The following CASD1 variants were observed in gnomAD, a reference collection of about 807,000 sequenced individuals.
CASD1 encodes the protein N-acetylneuraminate (7)9-O-acetyltransferase.
Under a neutral mutation model 100.0 loss-of-function variants are expected in CASD1, and 41 were observed. The ratio of observed to expected loss-of-function variants is 0.41; its 90% confidence interval spans 0.32 to 0.53. CASD1 has a LOEUF of 0.53. Ranked by LOEUF, CASD1 falls within the 20% of genes least tolerant of loss-of-function variation. The pLI is 0.25. For synonymous variants in CASD1, 321 were observed against 315.6 expected, an observed-to-expected ratio of 1.02 and a Z score of -0.18; for missense variants, 774 against 948.7, an observed-to-expected ratio of 0.82 and a Z score of 2.42.
chr7:94,622,252 G>T, the CASD1 span: 1 of 151,978 alleles, frequency 6.6e-6, no homozygotes, highest in Non-Finnish European at 1.5e-5. Flanking sequence ...GTTTTTAGAG[G>T]GAAAAAATTC....
chr7:94,552,475 A>G, intron 16 of CASD1, 48 bp downstream of exon 16: 1 of 1,459,618 alleles, frequency 6.9e-7, no homozygotes, highest in Non-Finnish European at 9.4e-7. Flanking sequence ...TCTTGATAAG[A>G]AAATGGTTTT....
the CASD1 span, chr7:94,624,162 C>CAAAAAAAA: frequency 6.0e-6 from 2 of 334,668 alleles, no homozygotes; most frequent in African/African-American, 2.6e-5. Context: ...TGCAGTACCT[C>CAAAAAAAA]AAAAAAAAAA....
chr7:94,552,914 G>T (rs1796017736), intron 16 of CASD1, among the ~76,000 whole-genome samples: 1 of 152,114 alleles, frequency 6.6e-6, no homozygotes, highest in South Asian at 2.1e-4. Flanking sequence ...TCCAGCCTGG[G>T]CAATGAGCAA....
At chr7:94,613,528 T>C in the CASD1 span, among the ~76,000 whole-genome samples, 1,370 of 152,176 alleles carry the variant, frequency 9.0e-3, 19 homozygotes, top group African/African-American at 0.031. Context: ...GAGACTGGAG[T>C]GCACTAGATA....
the CASD1 span, among the ~76,000 whole-genome samples, chr7:94,569,108 A>G: frequency 2.0e-5 from 3 of 152,194 alleles, no homozygotes; most frequent in East Asian, 3.9e-4. Flanking sequence ...AGGACAGCAC[A>G]GATGCATTGC....
At chr7:94,576,598 A>G in the CASD1 span, among the ~76,000 whole-genome samples, 2 of 152,190 alleles carry the variant, frequency 1.3e-5, no homozygotes, top group African/African-American at 4.8e-5. Context: ...GAGGTCATTC[A>G]TATGGGCACT....
At chr7:94,592,744 G>A in the CASD1 span, among the ~76,000 whole-genome samples, 56 of 152,130 alleles carry the variant, frequency 3.7e-4, no homozygotes, top group African/African-American at 8.9e-4. Flanking sequence ...ACCCTATACC[G>A]TAATTCTGTG....
chr7:94,527,030 A>G (rs946758585), intron 3 of CASD1, 132 bp from the exon 4 acceptor site: 36 of 669,088 alleles, frequency 5.4e-5, no homozygotes, highest in Non-Finnish European at 9.0e-5. Flanking sequence ...GAATGTATAG[A>G]TAATTGAGAT....
At chr7:94,590,572 CT>C in the CASD1 span, 1 of 152,148 alleles carries the variant, frequency 6.6e-6, no homozygotes, top group Non-Finnish European at 1.5e-5. Flanking sequence ...ATGGAAGAAA[CT>C]CCAGGAGTCA....
the CASD1 span, chr7:94,588,722 G>A: frequency 6.2e-7 from 1 of 1,612,150 alleles, no homozygotes; most frequent in South Asian, 1.1e-5. Flanking sequence ...TGAGTCTGAT[G>A]TGGCAAGTTC....
intron 3 of CASD1, among the ~76,000 whole-genome samples, chr7:94,526,789 C>T (rs915093573): frequency 6.6e-6 from 1 of 152,090 alleles, no homozygotes; most frequent in African/African-American, 2.4e-5. Flanking sequence ...GAGACTCTGT[C>T]TCAGAATAAC....
chr7:94,600,687 A>G, the CASD1 span: 3 of 1,613,772 alleles, frequency 1.9e-6, no homozygotes, highest in East Asian at 2.2e-5. Flanking sequence ...CAAGTATTAG[A>G]AAAAGGACCA....
intron 1 of CASD1, among the ~76,000 whole-genome samples, chr7:94,511,500 G>A (rs1399288683): frequency 6.6e-6 from 1 of 152,014 alleles, no homozygotes; most frequent in Admixed American, 6.6e-5. Flanking sequence ...ATAACCTTTT[G>A]GCCTCTCTCC....
chr7:94,603,085 G>A, the CASD1 span, among the ~76,000 whole-genome samples: 1 of 152,092 alleles, frequency 6.6e-6, no homozygotes, highest in Non-Finnish European at 1.5e-5. Flanking sequence ...ATTAATCAAG[G>A]ATAGAATAAG....
At chr7:94,586,154 G>C in the CASD1 span, among the ~76,000 whole-genome samples, 1 of 149,682 alleles carries the variant, frequency 6.7e-6, no homozygotes, top group African/African-American at 2.5e-5. Flanking sequence ...AAATTACTTG[G>C]TATCCAAGAC....
chr7:94,616,940 G>C, the CASD1 span: 3 of 152,152 alleles, frequency 2.0e-5, no homozygotes, highest in African/African-American at 7.2e-5. Flanking sequence ...TTCAAGTTGG[G>C]AAGGGATCTG....
intron 14 of CASD1, among the ~76,000 whole-genome samples, 158 bp from the exon 15 acceptor site, chr7:94,551,180 A>G (rs1795928251): frequency 6.6e-6 from 1 of 151,994 alleles, no homozygotes; most frequent in Non-Finnish European, 1.5e-5. Context: ...GCTTTATTTC[A>G]TTTCTTGAAG....
intron 13 of CASD1, among the ~76,000 whole-genome samples, chr7:94,547,624 G>A (rs1324205926): frequency 1.3e-5 from 2 of 151,606 alleles, no homozygotes; most frequent in African/African-American, 2.4e-5. Flanking sequence ...TGTATCTATA[G>A]TATGTTTAAT....
chr7:94,615,365 AATAGATAGATAGATAGATAGATAGATAG>A, the CASD1 span, among the ~76,000 whole-genome samples: 7 of 142,310 alleles, frequency 4.9e-5, no homozygotes, highest in African/African-American at 7.9e-5. Flanking sequence ...TCTCAAAATA[AATAGATAGATAGATAGATAGATAGATAG>A]ATAGATAGAT....
Sources: allele counts gnomAD v4.1 joint callset (sites outside exome capture counted in the v4.1 genomes callset), GRCh38; gene constraint gnomAD v4.1.1; transcripts MANE v1.5; gene names NCBI Gene and HGNC (gene_info 2026-07-23, HGNC 2026-07-21).